Variants in SYT11 observed in about 807,000 individuals in gnomAD.
SYT11 encodes the protein synaptotagmin 11.
In SYT11, 12 loss-of-function variants were observed where a neutral mutation model predicts 30.4. That is an observed-to-expected ratio of 0.39 (90% CI 0.25 to 0.64). The LOEUF is 0.64. Ranked by LOEUF, SYT11 falls within the 30% of genes least tolerant of loss-of-function variation. The pLI is 0.45. For missense variants in SYT11, 412 were observed against 552.0 expected (o/e 0.75, Z 2.54); for synonymous variants, 204 against 216.0 (o/e 0.94, Z 0.49).
intron 2 of SYT11, among the ~76,000 whole-genome samples, chr1:155,870,371 C>T (rs777830859): frequency 3.2e-4 from 48 of 152,078 alleles, no homozygotes; most frequent in Non-Finnish European, 5.4e-4. Flanking sequence ...AAATTGTGAC[C>T]GTTACTATTA....
intron 2 of SYT11, among the ~76,000 whole-genome samples, chr1:155,869,550 G>A (rs1470987301): frequency 6.6e-6 from 1 of 152,000 alleles, no homozygotes; most frequent in Non-Finnish European, 1.5e-5. Context: ...GGGATTACAG[G>A]CATGAGCCAC....
In SYT11 at chr1:155,883,980, A is replaced by G. The variant is rs557525965; in HGVS notation, c.*2472A>G. On this transcript the variant is annotated 3_prime_UTR_variant, in exon 4 of 4. Coordinates refer to ENST00000368324, the MANE Select transcript of SYT11 (RefSeq NM_152280.5). ...GTCATACCACTAGTCTCTGTCCTAT[A>G]CCCCATGAAATGTAAATACTGTATC... 2 of 152,504 alleles carry G rather than the reference A, an allele frequency of 1.3e-5. No homozygotes were observed. Among genetic ancestry groups the G allele is most frequent in the South Asian group, 4.2e-4 (2 of 4,818 alleles). 9.4% of individuals were successfully genotyped at this position (152,504 alleles called of 1,614,324 possible). A position where few individuals can be genotyped will look rare whatever the true frequency, so the allele number is the denominator to read the frequency against.
chr1:155,865,065 T>A (rs957365812), intron 1 of SYT11, among the ~76,000 whole-genome samples: 1 of 152,186 alleles, frequency 6.6e-6, no homozygotes, highest in East Asian at 1.9e-4. Context: ...GACTCTTTTG[T>A]TCACTGAACG....
At chr1:155,867,063 C>CCT (rs1485381535) in intron 1 of SYT11, among the ~76,000 whole-genome samples, 1 of 43,940 alleles carries the variant, frequency 2.3e-5, no homozygotes, top group East Asian at 5.1e-3. Context: ...TGGAGGAATA[C>CCT]CTTTTTTTTT....
At chr1:155,871,200 GA>G (rs1482078081) in intron 2 of SYT11, among the ~76,000 whole-genome samples, 1 of 152,180 alleles carries the variant, frequency 6.6e-6, no homozygotes, top group African/African-American at 2.4e-5. Context: ...TCTGAGACTG[GA>G]ATCAGAAGGT....
intron 2 of SYT11, among the ~76,000 whole-genome samples, chr1:155,879,373 C>A (rs571819035): frequency 7.9e-5 from 12 of 152,096 alleles, no homozygotes; most frequent in Non-Finnish European, 1.3e-4. Flanking sequence ...GCCGAGATCA[C>A]GCCACTGCAC....
chr1:155,880,493 C>T lies in SYT11; in HGVS notation c.862-7C>T, dbSNP rs1672942859. On this transcript the variant is annotated splice_region_variant and splice_polypyrimidine_tract_variant and intron_variant, in intron 2 of 3. Transcript: ENST00000368324. The stretch of plus-strand genomic sequence containing the variant: ...CAGGATTCTCACCTGCCATTTTTTC[C>T]TCACAGAAGTGCATCAGCAGAGGGG... 1.2e-6 allele frequency: 2 copies of T among 1,613,218 alleles called. No individual in the cohort carries two copies. The highest frequency in any genetic ancestry group is 1.7e-5 in the Admixed American group (1 of 59,906).
chr1:155,872,481 T>C (rs1203887803), intron 2 of SYT11, among the ~76,000 whole-genome samples: 1 of 152,168 alleles, frequency 6.6e-6, no homozygotes, highest in Non-Finnish European at 1.5e-5. Flanking sequence ...CTTCTGAGTG[T>C]ATTCTTTAGG....
At chr1:155,861,387 G>GA (rs1374853103) in intron 1 of SYT11, among the ~76,000 whole-genome samples, 2 of 151,980 alleles carry the variant, frequency 1.3e-5, no homozygotes, top group African/African-American at 4.8e-5. Context: ...CAGAATCCTT[G>GA]AAAAAAGGAG....
At chr1:155,861,180 AC>A (rs1672581100) in intron 1 of SYT11, among the ~76,000 whole-genome samples, 1 of 152,176 alleles carries the variant, frequency 6.6e-6, no homozygotes, top group African/African-American at 2.4e-5. Context: ...CTCATTAACT[AC>A]TTGTTCTCAC....
rs1428846470 is a variant in SYT11, at chr1:155,868,465, C to G, written c.535C>G (p.Gln179Glu). The change falls in exon 2 of 4, where the codon CAG (glutamine) becomes GAG (glutamate). Residue 179 changes from glutamine to glutamate, a missense_variant. Gln to Glu is a conservative substitution (Grantham distance 29). Coordinates refer to ENST00000368324, the MANE Select transcript of SYT11 (RefSeq NM_152280.5). This position sits in a 1 kb window ranked among gnomAD's most constrained non-coding sequence, Gnocchi z 4.7. ...GAAAAAAGCCCTGGTGGTGACAATCCAGGAGGCCCATGGGCTGCCAGTGAT... is the reference window on the plus strand; with the variant it reads ...GAAAAAAGCCCTGGTGGTGACAATCGAGGAGGCCCATGGGCTGCCAGTGAT... ...FPKKALVVTI[Q>E]EAHGLPVMDD... is the part of the protein sequence containing the mutation. 2 of 1,614,102 alleles carry G rather than the reference C, an allele frequency of 1.2e-6. No homozygotes were observed.
rs1672546827 is a variant in SYT11 at position 155,860,570 on chromosome 1, T to TG, written c.34+776dup. Among the ~76,000 whole-genome samples the TG allele has an allele frequency of 1.3e-5, 2 of 151,714 alleles. No individual in the cohort carries two copies. The highest frequency in any genetic ancestry group is 6.6e-5 in the Admixed American group (1 of 15,228). On this transcript the variant is annotated intron_variant, in intron 1 of 3. Transcript: ENST00000368324. The surrounding 1 kb of genome is among the most constrained non-coding windows in gnomAD (Gnocchi z 4.1). ...GGGCCGCCTTTTCAAAAAGGGGGAC[T>TG]GACCAGCGTTGATGCTGGCGGGGGC...
At position 155,882,415 on chromosome 1, in the gene SYT11, G is replaced by C. The variant is rs1557951976; in HGVS notation, c.*907G>C. 1 of 152,308 alleles carries C rather than the reference G, an allele frequency of 6.6e-6. No homozygotes were observed. The highest frequency in any genetic ancestry group is 6.6e-5 in the Admixed American group (1 of 15,258). The allele number at this position is 152,308 out of a possible 1,614,324, so 9.4% of individuals were successfully genotyped here. A position where few individuals can be genotyped will look rare whatever the true frequency, so the allele number is the denominator to read the frequency against. On this transcript the variant is annotated 3_prime_UTR_variant, in exon 4 of 4. Transcript: ENST00000368324. ...CTGCAGTAAGCCAAGAAACAAAGGT[G>C]GGGTGGATGAGGCAAGGTTTGCAGG...
chr1:155,868,486 G>C lies in SYT11; in HGVS notation c.556G>C (p.Val186Leu). 2 of 1,614,200 alleles carry C rather than the reference G, an allele frequency of 1.2e-6. No homozygotes were observed. Among genetic ancestry groups the C allele is most frequent in the Non-Finnish European group, 1.7e-6 (2 of 1,180,028 alleles). ...AATCCAGGAGGCCCATGGGCTGCCA[G>C]TGATGGATGACCAGACCCAGGGATC... The part of the protein sequence containing the change: ...VTIQEAHGLP[V>L]MDDQTQGSDP... Residue 186 changes from valine (V) to leucine (L), a missense_variant, in exon 2 of 4, where the codon GTG (valine) becomes CTG (leucine). Physicochemically the swap from Val to Leu is conservative, Grantham distance 32 (BLOSUM62 1). Transcript: ENST00000368324. This position sits in a 1 kb window ranked among gnomAD's most constrained non-coding sequence, Gnocchi z 4.7.
chr1:155,863,556 A>C (rs1672624677), intron 1 of SYT11, among the ~76,000 whole-genome samples: 2 of 151,954 alleles, frequency 1.3e-5, no homozygotes, highest in African/African-American at 4.8e-5. Context: ...GGTGGAGACT[A>C]AAGCAGAATT....
intron 2 of SYT11, among the ~76,000 whole-genome samples, chr1:155,873,863 T>G (rs1042942605): frequency 6.6e-6 from 1 of 152,204 alleles, no homozygotes; most frequent in Non-Finnish European, 1.5e-5. Flanking sequence ...TCCATTCAAT[T>G]TTCTTTTCCA....
At chr1:155,865,774 C>T (rs2102555593) in intron 1 of SYT11, among the ~76,000 whole-genome samples, 2 of 149,624 alleles carry the variant, frequency 1.3e-5, no homozygotes, top group East Asian at 4.1e-4. Context: ...ACCTCCTGGG[C>T]TCAAGTGATC....
chr1:155,865,425 C>T (rs1557946224), intron 1 of SYT11, among the ~76,000 whole-genome samples: 1 of 151,820 alleles, frequency 6.6e-6, no homozygotes, highest in African/African-American at 2.4e-5. Flanking sequence ...GTTAGGAGTT[C>T]GAGACCAGCC....
rs1369739450 is a variant in SYT11 at position 155,883,166 on chromosome 1, A to G, written c.*1658A>G. ...CAGCATCTTTCTGGGATTAGAATTCAAGTCTCTTTACTCCTACAGCAGCTG... is the reference window on the plus strand; with the variant it reads ...CAGCATCTTTCTGGGATTAGAATTCGAGTCTCTTTACTCCTACAGCAGCTG... On this transcript the variant is annotated 3_prime_UTR_variant, in exon 4 of 4. Coordinates refer to ENST00000368324, the MANE Select transcript of SYT11 (RefSeq NM_152280.5). The G allele has an allele frequency of 2.0e-5, 3 of 152,316 alleles. No individual in the cohort carries two copies. The highest frequency in any genetic ancestry group is 2.9e-5 in the Non-Finnish European group (2 of 68,056). 9.4% of individuals were successfully genotyped at this position (152,316 alleles called of 1,614,324 possible).
Sources: gnomAD v4.1 joint callset for allele counts (sites outside exome capture counted in the v4.1 genomes callset) on GRCh38, gnomAD v4.1.1 for gene constraint, Gnocchi (gnomAD v3.1) non-coding constraint, MANE v1.5 for transcripts, NCBI Gene and HGNC (gene_info 2026-07-23, HGNC 2026-07-21) for gene names.